The following NYAP2 variants were observed in gnomAD, a reference collection of about 807,000 sequenced individuals.
NYAP2 encodes neuronal tyrosine-phosphorylated phosphoinositide-3-kinase adapter 2.
Under a neutral mutation model 50.4 loss-of-function variants are expected in NYAP2, and 23 were observed. That is an observed-to-expected ratio of 0.46 (90% CI 0.33 to 0.65). The LOEUF (loss-of-function observed/expected upper bound fraction) is 0.65, where lower values mean the gene tolerates loss of function less well. Among genes scored for constraint, NYAP2 ranks in the 30% least tolerant of loss-of-function variants. NYAP2 has a pLI of 0.02. For missense variants in NYAP2, 885 were observed against 861.0 expected (o/e 1.03, Z -0.35); for synonymous variants, 394 against 365.2 (o/e 1.08, Z -0.90).
intron 5 of NYAP2, among the ~76,000 whole-genome samples, chr2:225,621,462 G>A (rs1421069931): frequency 2.6e-5 from 4 of 152,038 alleles, no homozygotes; most frequent in South Asian, 2.1e-4. Context: ...AGGGGTTGTC[G>A]GGGGCCAAAG....
chr2:225,688,578 ATCT>A, the NYAP2 span, among the ~76,000 whole-genome samples: 2 of 152,182 alleles, frequency 1.3e-5, no homozygotes, highest in Non-Finnish European at 2.9e-5. Context: ...AGGACATTTA[ATCT>A]TCTCAAGAAA....
intron 3 of NYAP2, among the ~76,000 whole-genome samples, chr2:225,415,050 C>T (rs369470071): frequency 2.6e-5 from 4 of 152,192 alleles, no homozygotes; most frequent in African/African-American, 9.6e-5. Flanking sequence ...CAGCTCTCGA[C>T]TTTAGCAAAG....
intron 3 of NYAP2, among the ~76,000 whole-genome samples, chr2:225,416,719 A>G (rs1023664675): frequency 6.6e-6 from 1 of 152,132 alleles, no homozygotes; most frequent in African/African-American, 2.4e-5. Context: ...GGTTGTTTTG[A>G]CTTTAATTAT....
chr2:225,626,948 C>T (rs1277409910), exon 6 of NYAP2: 3 of 1,582,256 alleles, frequency 1.9e-6, no homozygotes, highest in Non-Finnish European at 2.6e-6. Context: ...TCCGAAGCCA[C>T]AGCACGGAGC....
intron 5 of NYAP2, among the ~76,000 whole-genome samples, chr2:225,591,973 G>C (rs1185144351): frequency 6.6e-6 from 1 of 152,160 alleles, no homozygotes; most frequent in Admixed American, 6.6e-5. Context: ...AAGGAACTCT[G>C]TACCCCAGGT....
chr2:225,548,421 G>T (rs1303226330), intron 4 of NYAP2, among the ~76,000 whole-genome samples: 1 of 150,858 alleles, frequency 6.6e-6, no homozygotes, highest in East Asian at 1.9e-4. Context: ...TACTCAAATT[G>T]TAACCAAATA....
At chr2:225,694,355 A>G in the NYAP2 span, among the ~76,000 whole-genome samples, 1 of 151,926 alleles carries the variant, frequency 6.6e-6, no homozygotes, top group Non-Finnish European at 1.5e-5. Context: ...AAAAGAAAAT[A>G]GAAAAGCGAT....
At chr2:225,440,386 T>C (rs895517000) in intron 3 of NYAP2, among the ~76,000 whole-genome samples, 8 of 152,190 alleles carry the variant, frequency 5.3e-5, no homozygotes, top group Admixed American at 2.0e-4. Flanking sequence ...ACCTGAATAA[T>C]TTAGGGTGAA....
chr2:225,675,612 C>T, the NYAP2 span, among the ~76,000 whole-genome samples: 14 of 152,178 alleles, frequency 9.2e-5, no homozygotes, highest in East Asian at 1.2e-3. Context: ...ATGAACATAT[C>T]GTGCATGTGT....
intron 6 of NYAP2, among the ~76,000 whole-genome samples, chr2:225,640,901 A>G (rs1235541339): frequency 6.6e-6 from 1 of 152,188 alleles, no homozygotes; most frequent in African/African-American, 2.4e-5. Context: ...AAAAAATACA[A>G]CTTGATAGTA....
chr2:225,560,504 T>C (rs1691852897), intron 4 of NYAP2, among the ~76,000 whole-genome samples: 1 of 152,112 alleles, frequency 6.6e-6, no homozygotes, highest in African/African-American at 2.4e-5. Flanking sequence ...TGATGCTAAA[T>C]TGCCCACCTA....
chr2:225,462,746 G>T (rs1689853348), intron 3 of NYAP2, among the ~76,000 whole-genome samples: 1 of 152,112 alleles, frequency 6.6e-6, no homozygotes, highest in African/African-American at 2.4e-5. Flanking sequence ...GTTCTAGTCA[G>T]ATTGAAATAT....
intron 2 of NYAP2, among the ~76,000 whole-genome samples, chr2:225,403,217 A>C (rs1331425702): frequency 6.6e-6 from 1 of 151,990 alleles, no homozygotes; most frequent in Non-Finnish European, 1.5e-5. Context: ...GTAGGAAGGA[A>C]ACTCAAATCT....
chr2:225,620,068 A>G (rs1412008412), intron 5 of NYAP2, among the ~76,000 whole-genome samples: 3 of 152,198 alleles, frequency 2.0e-5, no homozygotes, highest in Non-Finnish European at 2.9e-5. Context: ...CAGATTCCAC[A>G]TAAAGCTTTA....
chr2:225,672,370 T>C, the NYAP2 span, among the ~76,000 whole-genome samples: 1 of 152,176 alleles, frequency 6.6e-6, no homozygotes, highest in Middle Eastern at 3.2e-3. Context: ...TTTTCTTCCA[T>C]AGGTCAGTCA....
intron 3 of NYAP2, among the ~76,000 whole-genome samples, chr2:225,493,366 C>T: frequency 6.6e-6 from 1 of 152,150 alleles, no homozygotes; most frequent in Non-Finnish European, 1.5e-5. Context: ...GTGATGTTGC[C>T]ATTCACTGCC....
chr2:225,637,167 G>A (rs1293865046), intron 6 of NYAP2, among the ~76,000 whole-genome samples: 3 of 152,068 alleles, frequency 2.0e-5, no homozygotes, highest in Non-Finnish European at 1.5e-5. Context: ...AACTCTACTC[G>A]CCTGCCTTTT....
intron 4 of NYAP2, among the ~76,000 whole-genome samples, chr2:225,545,655 G>A (rs1400881494): frequency 6.6e-6 from 1 of 152,090 alleles, no homozygotes; most frequent in Non-Finnish European, 1.5e-5. Flanking sequence ...TCTCTGAAAA[G>A]TCAAATATCT....
intron 4 of NYAP2, among the ~76,000 whole-genome samples, chr2:225,550,721 G>C (rs887912199): frequency 6.6e-6 from 1 of 152,188 alleles, no homozygotes; most frequent in Admixed American, 6.6e-5. Flanking sequence ...ACACTGATGA[G>C]TGAGAGAGGA....
Sources: allele counts gnomAD v4.1 joint callset (sites outside exome capture counted in the v4.1 genomes callset), GRCh38; gene constraint gnomAD v4.1.1; transcripts MANE v1.5; gene names NCBI Gene and HGNC (gene_info 2026-07-23, HGNC 2026-07-21).